EYA2: variants seen among roughly 807,000 people sequenced by gnomAD.
EYA2 encodes the protein EYA transcriptional coactivator and phosphatase 2, also known as protein phosphatase EYA2.
EYA2 carries 31 observed loss-of-function variants against 69.2 expected under a neutral mutation model. The observed-to-expected ratio is 0.45, with a 90% CI of 0.34 to 0.60. The LOEUF is 0.60. EYA2 is among the 20% of genes least tolerant of loss of function. The pLI, the probability that EYA2 is intolerant of heterozygous loss-of-function variation, is 0.02. For missense variants in EYA2, 622 were observed against 701.2 expected, an observed-to-expected ratio of 0.89 and a Z score of 1.28; for synonymous variants, 257 against 279.4, an observed-to-expected ratio of 0.92 and a Z score of 0.80.
At position 47,156,051 on chromosome 20, in the gene EYA2, CATATATAT is replaced by C. The variant is rs1334675635; in HGVS notation, c.978+12905_978+12912del. Among the ~76,000 whole-genome samples, 5 of 86,424 alleles carry C rather than the reference CATATATAT, an allele frequency of 5.8e-5. 1 individual carries two copies. The highest frequency in any genetic ancestry group is 7.4e-4 in the South Asian group (2 of 2,716). 56.7% of individuals were successfully genotyped at this position (86,424 alleles called of 152,430 possible). Reference sequence around the variant, plus strand: ...ATATATACATACACACACACACACACATATATATACATACACACACACACACATATATA... The same window carrying C: ...ATATATACATACACACACACACACACACATACACACACACACACATATATA... On this transcript the variant is annotated intron_variant, in intron 10 of 15. Coordinates refer to ENST00000327619, the MANE Select transcript of EYA2 (RefSeq NM_005244.5).
chr20:47,070,986 C>T (rs948104032), intron 5 of EYA2, among the ~76,000 whole-genome samples: 2 of 151,670 alleles, frequency 1.3e-5, no homozygotes, highest in African/African-American at 4.8e-5. Flanking sequence ...GTAGCTGGAA[C>T]TATAGGCATG....
At chr20:47,018,209 A>G (rs1983524696) in intron 5 of EYA2, among the ~76,000 whole-genome samples, 1 of 152,224 alleles carries the variant, frequency 6.6e-6, no homozygotes, top group Admixed American at 6.5e-5. Flanking sequence ...GAGGCCACAG[A>G]GGTTGAAATG....
At chr20:46,982,708 G>A (rs1450833633) in intron 1 of EYA2, among the ~76,000 whole-genome samples, 1 of 150,726 alleles carries the variant, frequency 6.6e-6, no homozygotes, top group African/African-American at 2.4e-5. Flanking sequence ...GCTACATCCA[G>A]TCTGTAGTTC....
chr20:47,173,523 A>AAAAC (rs2034368999), intron 12 of EYA2, among the ~76,000 whole-genome samples: 1 of 151,334 alleles, frequency 6.6e-6, no homozygotes, highest in Non-Finnish European at 1.5e-5. Flanking sequence ...AAAAAAAAAA[A>AAAAC]AAAAAAAAAC....
intron 1 of EYA2, among the ~76,000 whole-genome samples, chr20:46,965,450 G>T (rs1979716468): frequency 6.6e-6 from 1 of 152,242 alleles, no homozygotes; most frequent in South Asian, 2.1e-4. Flanking sequence ...AGGGCACAGA[G>T]ACCCATCCAC....
At chr20:47,148,554 AGAT>A (rs2033755755) in intron 10 of EYA2, among the ~76,000 whole-genome samples, 1 of 151,080 alleles carries the variant, frequency 6.6e-6, no homozygotes, top group African/African-American at 2.4e-5. Context: ...AATATGACAA[AGAT>A]GATGACAGTC....
chr20:47,077,486 C>T (rs952726957), intron 7 of EYA2, among the ~76,000 whole-genome samples: 2 of 152,168 alleles, frequency 1.3e-5, no homozygotes, highest in Admixed American at 1.3e-4. Context: ...AGAAGCTAAG[C>T]TAGCACGATG....
chr20:46,987,919 T>TCTCTCC (rs56178588), intron 1 of EYA2, among the ~76,000 whole-genome samples: 261 of 18,718 alleles, frequency 0.014, 37 homozygotes, highest in Admixed American at 0.019. Flanking sequence ...AGAGTAAGTC[T>TCTCTCC]CTCTCTCTCT....
intron 7 of EYA2, among the ~76,000 whole-genome samples, chr20:47,077,007 T>C (rs2031540130): frequency 6.6e-6 from 1 of 152,196 alleles, no homozygotes; most frequent in African/African-American, 2.4e-5. Flanking sequence ...AATGCTGGGA[T>C]GAAGCAGCAG....
intron 1 of EYA2, among the ~76,000 whole-genome samples, chr20:46,988,975 G>A (rs1481520563): frequency 6.6e-6 from 1 of 152,162 alleles, no homozygotes; most frequent in Non-Finnish European, 1.5e-5. Context: ...CAAAGTGCTG[G>A]AACTGAAGGT....
At chr20:46,935,400 T>C (rs1205339076) in intron 1 of EYA2, among the ~76,000 whole-genome samples, 1 of 152,086 alleles carries the variant, frequency 6.6e-6, no homozygotes, top group Non-Finnish European at 1.5e-5. Context: ...CTTTGCAGAG[T>C]TGTCATGACG....
At position 47,004,876 on chromosome 20, in the gene EYA2, A is replaced by G. The variant is rs554116943; in HGVS notation, c.156-66A>G. ...CCCAAAGAAAAATGGGGGTGTTGAT[A>G]TCAAGATAAGGAAGAAGGGGTGCCA... On this transcript the variant is annotated intron_variant, in intron 3 of 15. Coordinates refer to ENST00000327619, the MANE Select transcript of EYA2 (RefSeq NM_005244.5). 5.3e-5 allele frequency: 85 copies of G among 1,611,564 alleles called. No homozygotes were observed. The South Asian group carries it at 8.0e-4, about 15-fold the overall frequency.
intron 1 of EYA2, among the ~76,000 whole-genome samples, chr20:46,956,749 T>C (rs1456393853): frequency 1.3e-5 from 2 of 152,196 alleles, no homozygotes; most frequent in Non-Finnish European, 2.9e-5. Context: ...CCTGCCTGTA[T>C]TAGTCTGTTC....
At chr20:47,045,558 C>G (rs1335882464) in intron 5 of EYA2, among the ~76,000 whole-genome samples, 1 of 152,208 alleles carries the variant, frequency 6.6e-6, no homozygotes, top group African/African-American at 2.4e-5. Context: ...TAAAATGTCT[C>G]ACAAGTTTCT....
chr20:47,042,326 T>A (rs1179682732), intron 5 of EYA2, among the ~76,000 whole-genome samples: 1 of 152,176 alleles, frequency 6.6e-6, no homozygotes, highest in Admixed American at 6.5e-5. Flanking sequence ...GCTCTTCACT[T>A]CTGAGCTAGG....
chr20:47,079,776 T>G lies in EYA2; in HGVS notation c.661+5441T>G, dbSNP rs186034924. ...TATTTGTGCTACTATGGGTTTCTCT[T>G]TGAGCTATTGTGATAGGTTAAAAAA... On this transcript the variant is annotated intron_variant, in intron 7 of 15. Coordinates refer to ENST00000327619, the MANE Select transcript of EYA2 (RefSeq NM_005244.5). Among the ~76,000 whole-genome samples, 54 of 152,132 alleles carry G rather than the reference T, an allele frequency of 3.5e-4. No homozygotes were observed. The East Asian group carries it at 9.8e-3, about 28-fold the overall frequency.
chr20:47,117,738 C>T (rs913207503), intron 9 of EYA2: 3 of 963,332 alleles, frequency 3.1e-6, no homozygotes, highest in Non-Finnish European at 2.5e-6. Flanking sequence ...AGTGCCCTCT[C>T]TCGAGGACTA....
chr20:47,187,077 A>T (rs1187223669), intron 15 of EYA2, among the ~76,000 whole-genome samples: 1 of 151,974 alleles, frequency 6.6e-6, no homozygotes, highest in African/African-American at 2.4e-5. Flanking sequence ...AAATTAATGA[A>T]ACGAAATTCA....
chr20:47,163,531 T>C (rs2034115217), intron 10 of EYA2, among the ~76,000 whole-genome samples: 1 of 151,764 alleles, frequency 6.6e-6, no homozygotes. Flanking sequence ...AAACCCCGTC[T>C]CTACTAAAAA....
Sources: allele counts gnomAD v4.1 joint callset (sites outside exome capture counted in the v4.1 genomes callset), GRCh38; gene constraint gnomAD v4.1.1; transcripts MANE v1.5; gene names NCBI Gene and HGNC (gene_info 2026-07-23, HGNC 2026-07-21).